The following CSMD1 variants were observed in gnomAD, a reference collection of about 807,000 sequenced individuals.
CSMD1 encodes the protein CUB and sushi domain-containing protein 1.
Under a neutral mutation model 417.5 loss-of-function variants are expected in CSMD1, and 213 were observed. That is an observed-to-expected ratio of 0.51 (90% CI 0.46 to 0.57). CSMD1 has a LOEUF of 0.57. Among genes scored for constraint, CSMD1 ranks in the 20% least tolerant of loss-of-function variants. The pLI, the probability that CSMD1 is intolerant of heterozygous loss-of-function variation, is 0.00. For missense variants in CSMD1, 6,923 were observed against 4,529.7 expected (o/e 1.53, Z -15.17); for synonymous variants, 2,862 against 1,736.8 (o/e 1.65, Z -16.11).
At chr8:4,916,060 C>T (rs1181036638) in intron 1 of CSMD1, among the ~76,000 whole-genome samples, 1 of 152,180 alleles carries the variant, frequency 6.6e-6, no homozygotes, top group Non-Finnish European at 1.5e-5. Context: ...GGAAAGGCAA[C>T]GCCAGCACTT....
intron 5 of CSMD1, among the ~76,000 whole-genome samples, chr8:3,926,011 C>T (rs1459918449): frequency 1.7e-5 from 2 of 120,082 alleles, no homozygotes; most frequent in African/African-American, 6.7e-5. Flanking sequence ...GTCTATTTGT[C>T]TATACACACA....
chr8:3,027,276 C>T (rs1049295213), intron 51 of CSMD1, among the ~76,000 whole-genome samples: 5 of 152,194 alleles, frequency 3.3e-5, no homozygotes, highest in African/African-American at 1.2e-4. Flanking sequence ...ACTGCATTCC[C>T]TGGTGTGGAA....
At chr8:3,799,231 G>A (rs1012934585) in intron 5 of CSMD1, among the ~76,000 whole-genome samples, 4 of 151,282 alleles carry the variant, frequency 2.6e-5, no homozygotes, top group African/African-American at 9.8e-5. Context: ...TGATTCTACA[G>A]TTTTTTTTCT....
intron 3 of CSMD1, among the ~76,000 whole-genome samples, chr8:4,243,183 C>T (rs994755405): frequency 2.0e-5 from 3 of 152,036 alleles, no homozygotes; most frequent in African/African-American, 7.2e-5. Flanking sequence ...AGCCTCTGCT[C>T]TGGGCTGAGG....
chr8:4,695,956 T>G (rs746082021), intron 1 of CSMD1, among the ~76,000 whole-genome samples: 8 of 152,212 alleles, frequency 5.3e-5, no homozygotes, highest in Non-Finnish European at 1.0e-4. Flanking sequence ...CGGCTGTGGT[T>G]AGAGACTTGG....
At chr8:4,818,168 T>C (rs1162657211) in intron 1 of CSMD1, among the ~76,000 whole-genome samples, 2 of 152,198 alleles carry the variant, frequency 1.3e-5, no homozygotes, top group Non-Finnish European at 1.5e-5. Context: ...ATGAGATTTA[T>C]ATATTCTCAA....
At chr8:3,741,095 A>G (rs1287215190) in intron 6 of CSMD1, among the ~76,000 whole-genome samples, 25 of 151,746 alleles carry the variant, frequency 1.6e-4, no homozygotes, top group Admixed American at 1.6e-3. Context: ...GGTGCCTGTG[A>G]TCCCAGCTAC....
chr8:3,475,282 C>G (rs186103029), intron 11 of CSMD1, among the ~76,000 whole-genome samples: 21 of 152,264 alleles, frequency 1.4e-4, no homozygotes, highest in East Asian at 1.9e-4. Context: ...AAATTCTGAG[C>G]TCTCTGGGTG....
chr8:3,759,786 T>C (rs1797888559), intron 5 of CSMD1, among the ~76,000 whole-genome samples: 1 of 149,048 alleles, frequency 6.7e-6, no homozygotes, highest in African/African-American at 2.5e-5. Context: ...CAGACTCCTG[T>C]AATCGCAGCT....
chr8:3,088,346 G>A (rs1814688308), intron 48 of CSMD1, among the ~76,000 whole-genome samples: 1 of 152,174 alleles, frequency 6.6e-6, no homozygotes, highest in African/African-American at 2.4e-5. Flanking sequence ...CAATACAACA[G>A]AGAAGGTCCT....
intron 5 of CSMD1, among the ~76,000 whole-genome samples, chr8:3,895,444 A>T (rs1807295601): frequency 6.6e-6 from 1 of 152,142 alleles, no homozygotes; most frequent in African/African-American, 2.4e-5. Context: ...GTCAATCCAC[A>T]ATGTTTAAAT....
intron 5 of CSMD1, among the ~76,000 whole-genome samples, chr8:3,965,809 G>C (rs1812645098): frequency 6.6e-6 from 1 of 151,952 alleles, no homozygotes; most frequent in Admixed American, 6.6e-5. Flanking sequence ...AGTAGAGATG[G>C]GGTTTCACCA....
intron 25 of CSMD1, among the ~76,000 whole-genome samples, chr8:3,300,354 T>C (rs978468084): frequency 1.4e-5 from 2 of 147,188 alleles, no homozygotes; most frequent in African/African-American, 5.0e-5. Flanking sequence ...GAAAACTACA[T>C]TTAGGGGTTT....
At chr8:3,896,043 G>A (rs553849857) in intron 5 of CSMD1, among the ~76,000 whole-genome samples, 3 of 152,306 alleles carry the variant, frequency 2.0e-5, no homozygotes, top group African/African-American at 4.8e-5. Context: ...AGAAATGACT[G>A]CGGAGCGCTG....
At chr8:4,605,279 G>C (rs1387803340) in intron 2 of CSMD1, among the ~76,000 whole-genome samples, 3 of 151,248 alleles carry the variant, frequency 2.0e-5, no homozygotes, top group Admixed American at 1.3e-4. Flanking sequence ...AAGAAAAAAA[G>C]AAGAAGAAGA....
intron 1 of CSMD1, among the ~76,000 whole-genome samples, chr8:4,904,543 T>G (rs1207135840): frequency 6.6e-6 from 1 of 152,094 alleles, no homozygotes; most frequent in Non-Finnish European, 1.5e-5. Flanking sequence ...GCCCTCTCTG[T>G]GGACACATGG....
intron 67 of CSMD1, 145 bp downstream of exon 67, chr8:2,950,086 C>G: frequency 1.7e-6 from 1 of 595,458 alleles, no homozygotes; most frequent in Admixed American, 2.8e-5. Flanking sequence ...AATGGCCACT[C>G]TGTCAAGAAG....
intron 16 of CSMD1, among the ~76,000 whole-genome samples, chr8:3,396,971 G>T (rs1019852159): frequency 4.6e-5 from 7 of 152,068 alleles, no homozygotes; most frequent in African/African-American, 1.7e-4. Flanking sequence ...AGACATGAAA[G>T]GATACTTTAA....
chr8:4,668,420 T>TTAC (rs1426011755), intron 1 of CSMD1, among the ~76,000 whole-genome samples: 1 of 122,456 alleles, frequency 8.2e-6, no homozygotes, highest in African/African-American at 3.3e-5. Context: ...TTTTCCATTA[T>TTAC]TATTATTATT....
Sources: gnomAD v4.1 joint callset for allele counts (sites outside exome capture counted in the v4.1 genomes callset) on GRCh38, gnomAD v4.1.1 for gene constraint, MANE v1.5 for transcripts, NCBI Gene and HGNC (gene_info 2026-07-23, HGNC 2026-07-21) for gene names.